Variants in CMC1 observed in about 807,000 individuals in gnomAD.
The protein encoded by CMC1 is COX assembly mitochondrial protein homolog.
CMC1 carries 14 observed loss-of-function variants against 14.1 expected under a neutral mutation model. That is an observed-to-expected ratio of 0.99 (90% CI 0.66 to 1.55). CMC1 has a LOEUF of 1.55. Ranked by LOEUF, CMC1 falls within the 40% of genes most tolerant of loss-of-function variation. The pLI is 0.00. For synonymous variants in CMC1, 50 were observed against 38.4 expected, an observed-to-expected ratio of 1.30 and a Z score of -1.12; for missense variants, 127 against 123.8, an observed-to-expected ratio of 1.03 and a Z score of -0.12.
chr3:28,251,904 C>T (rs1481948884), intron 1 of CMC1, among the ~76,000 whole-genome samples: 1 of 152,192 alleles, frequency 6.6e-6, no homozygotes, highest in Non-Finnish European at 1.5e-5. Flanking sequence ...CAAATGTCTG[C>T]TCCTGTCCCA....
At chr3:28,299,554 A>G (rs918537240) in intron 2 of CMC1, among the ~76,000 whole-genome samples, 7 of 152,126 alleles carry the variant, frequency 4.6e-5, no homozygotes, top group Non-Finnish European at 2.9e-5. Flanking sequence ...AATTCATTCT[A>G]TACACAGACT....
chr3:28,306,051 A>G (rs986167941), intron 2 of CMC1, among the ~76,000 whole-genome samples: 3 of 151,590 alleles, frequency 2.0e-5, no homozygotes, highest in Admixed American at 6.6e-5. Flanking sequence ...CTGTGTGCCT[A>G]TTTTTGTACT....
intron 1 of CMC1, among the ~76,000 whole-genome samples, chr3:28,250,778 A>G (rs1395840706): frequency 6.6e-6 from 1 of 152,220 alleles, no homozygotes; most frequent in Admixed American, 6.5e-5. Context: ...TCAGTATCAT[A>G]AACACTATCT....
chr3:28,324,844 G>A lies in CMC1; in HGVS notation c.*5215G>A, dbSNP rs1703324161. The A allele has an allele frequency of 6.4e-6, 1 of 157,012 alleles. No individual in the cohort carries two copies. The highest frequency in any genetic ancestry group is 2.4e-5 in the African/African-American group (1 of 41,514). 9.7% of individuals were successfully genotyped at this position (157,012 alleles called of 1,614,324 possible). ...CTTGGCTCTTATTGTGGCTGGAGAA[G>A]GATTGCAGACTGTTCACATGTCAGT... On this transcript the variant is annotated 3_prime_UTR_variant, in exon 4 of 4. Coordinates refer to ENST00000466830, the MANE Select transcript of CMC1 (RefSeq NM_182523.2).
intron 2 of CMC1, among the ~76,000 whole-genome samples, chr3:28,266,504 G>T (rs1577007821): frequency 2.0e-5 from 3 of 146,494 alleles, no homozygotes; most frequent in Non-Finnish European, 1.5e-5. Flanking sequence ...AAAGTATATG[G>T]TTTTTTTTTT....
At chr3:28,284,644 T>A (rs1346823883) in intron 2 of CMC1, among the ~76,000 whole-genome samples, 70 of 152,226 alleles carry the variant, frequency 4.6e-4, no homozygotes, top group Admixed American at 4.6e-3. Context: ...TTTGCTCATT[T>A]GTGTATCTTA....
At chr3:28,274,206 G>GTTTTTGTTT (rs1157819428) in intron 2 of CMC1, among the ~76,000 whole-genome samples, 12 of 83,070 alleles carry the variant, frequency 1.4e-4, no homozygotes, top group African/African-American at 5.1e-4. Context: ...GTACTAAAGT[G>GTTTTTGTTT]TTTTTGTTTT....
intron 2 of CMC1, among the ~76,000 whole-genome samples, chr3:28,311,500 G>C (rs927603075): frequency 1.3e-5 from 2 of 152,114 alleles, no homozygotes; most frequent in African/African-American, 4.8e-5. Context: ...TTCTTCAGCT[G>C]AGCAGTCATT....
At chr3:28,309,941 CCACACA>C (rs57007112) in intron 2 of CMC1, among the ~76,000 whole-genome samples, 28,068 of 132,282 alleles carry the variant, frequency 0.21, 2,810 homozygotes, top group African/African-American at 0.22. Flanking sequence ...CTGACGTCCA[CCACACA>C]CACACACACA....
intron 2 of CMC1, among the ~76,000 whole-genome samples, chr3:28,274,667 G>C (rs1700484261): frequency 6.6e-6 from 1 of 152,088 alleles, no homozygotes; most frequent in African/African-American, 2.4e-5. Flanking sequence ...TGTCTTGCTA[G>C]GTTGGGGAAG....
At chr3:28,259,177 AC>A (rs1699594425) in intron 1 of CMC1, among the ~76,000 whole-genome samples, 1 of 151,706 alleles carries the variant, frequency 6.6e-6, no homozygotes, top group Non-Finnish European at 1.5e-5. Flanking sequence ...ATAGGAAACT[AC>A]AAAATCATGC....
intron 2 of CMC1, among the ~76,000 whole-genome samples, chr3:28,309,346 T>G (rs543226061): frequency 4.0e-4 from 61 of 152,206 alleles, no homozygotes; most frequent in South Asian, 2.7e-3. Flanking sequence ...CAGAACAAAT[T>G]CATATGCTAT....
At chr3:28,243,758 C>T (rs1164194451) in intron 1 of CMC1, among the ~76,000 whole-genome samples, 1 of 151,790 alleles carries the variant, frequency 6.6e-6, no homozygotes, top group Non-Finnish European at 1.5e-5. Context: ...ATTCCTGCTC[C>T]CAATAAAGCT....
chr3:28,274,484 G>A (rs1700475292), intron 2 of CMC1, among the ~76,000 whole-genome samples: 1 of 152,092 alleles, frequency 6.6e-6, no homozygotes, highest in South Asian at 2.1e-4. Context: ...GAGGTCCACT[G>A]TTAGTCTGAT....
chr3:28,312,049 CCTA>C (rs1702663393), intron 2 of CMC1, among the ~76,000 whole-genome samples: 1 of 151,990 alleles, frequency 6.6e-6, no homozygotes, highest in South Asian at 2.1e-4. Flanking sequence ...TTAAGTCTGC[CCTA>C]CTATGTTCTT....
At chr3:28,243,117 G>A (rs1449157928) in intron 1 of CMC1, among the ~76,000 whole-genome samples, 1 of 151,982 alleles carries the variant, frequency 6.6e-6, no homozygotes, top group Admixed American at 6.6e-5. Flanking sequence ...GTGCAGTGGC[G>A]CTATCTCGGC....
intron 2 of CMC1, among the ~76,000 whole-genome samples, chr3:28,287,796 T>A (rs959036693): frequency 1.3e-5 from 2 of 151,924 alleles, no homozygotes; most frequent in African/African-American, 4.8e-5. Context: ...TTATCATTGA[T>A]TTATAGTAAT....
intron 2 of CMC1, among the ~76,000 whole-genome samples, chr3:28,280,902 T>G (rs1443872113): frequency 2.6e-5 from 4 of 152,222 alleles, no homozygotes; most frequent in African/African-American, 9.6e-5. Context: ...CCACCACCTA[T>G]CTCTGTAAAC....
chr3:28,246,797 GAT>G (rs1491516664), intron 1 of CMC1, among the ~76,000 whole-genome samples: 3 of 139,310 alleles, frequency 2.2e-5, no homozygotes, highest in African/African-American at 5.4e-5. Flanking sequence ...GGGGTCCATT[GAT>G]TTTTTTTTTT....
Sources: allele counts gnomAD v4.1 joint callset (sites outside exome capture counted in the v4.1 genomes callset), GRCh38; gene constraint gnomAD v4.1.1; transcripts MANE v1.5; gene names NCBI Gene and HGNC (gene_info 2026-07-23, HGNC 2026-07-21).